The following MAGI1 variants were observed in gnomAD, a reference collection of about 807,000 sequenced individuals.
The protein encoded by MAGI1 is membrane associated guanylate kinase, WW and PDZ domain containing 1, also known as membrane-associated guanylate kinase, WW and PDZ domain-containing protein 1.
A neutral mutation model predicts 139.9 loss-of-function variants in MAGI1; 58 were observed. The ratio of observed to expected loss-of-function variants is 0.41; its 90% CI spans 0.34 to 0.52. The LOEUF is 0.52. Ranked by LOEUF, MAGI1 falls within the 20% of genes least tolerant of loss-of-function variation. The pLI, the probability that MAGI1 is intolerant of heterozygous loss-of-function variation, is 0.12. For synonymous variants in MAGI1, 812 were observed against 737.9 expected, an observed-to-expected ratio of 1.10 and a Z score of -1.63; for missense variants, 1,874 against 1,901.6, an observed-to-expected ratio of 0.99 and a Z score of 0.27.
intron 5 of MAGI1, among the ~76,000 whole-genome samples, chr3:65,463,558 A>ATG (rs56135171): frequency 0.073 from 10,274 of 140,656 alleles, 448 homozygotes; most frequent in Non-Finnish European, 0.088. Context: ...TTGGCCTGAA[A>ATG]TGTGTGTGTG....
In MAGI1 at chr3:65,706,392, T is replaced by C. The variant is rs112505148; in HGVS notation, c.314-84304A>G. 3.1e-3 allele frequency among the ~76,000 whole-genome samples: 475 copies of C among 152,328 alleles called. 2 individuals are homozygous for C. Among genetic ancestry groups the C allele is most frequent in the African/African-American group, 0.011 (457 of 41,572 alleles). ...CTATTCCAGAAAGACTAAGGCGCCA[T>C]ACCATAGCCTCTGCCTTCCCTGAAA... On this transcript the variant is annotated intron_variant, in intron 1 of 22. Coordinates refer to ENST00000402939, the MANE Select transcript of MAGI1 (RefSeq NM_001033057.2).
intron 1 of MAGI1, among the ~76,000 whole-genome samples, chr3:65,675,403 T>C (rs2087125481): frequency 6.6e-6 from 1 of 152,102 alleles, no homozygotes; most frequent in Non-Finnish European, 1.5e-5. Flanking sequence ...GTATAAATGG[T>C]GATTTAAAAA....
intron 2 of MAGI1, among the ~76,000 whole-genome samples, chr3:65,611,646 T>TATACAGTATATATATACTAGTA (rs2083129547): frequency 6.8e-6 from 1 of 146,802 alleles, no homozygotes; most frequent in Non-Finnish European, 1.5e-5. Context: ...TATACTAGTA[T>TATACAGTATATATATACTAGTA]TATATATACT....
intron 2 of MAGI1, among the ~76,000 whole-genome samples, chr3:65,507,896 A>AC (rs1553656328): frequency 2.7e-5 from 4 of 149,934 alleles, no homozygotes; most frequent in African/African-American, 9.8e-5. Flanking sequence ...TTTAGAGGTG[A>AC]TTTTTTTTTT....
At chr3:65,864,774 A>G (rs769441301) in intron 1 of MAGI1, among the ~76,000 whole-genome samples, 22 of 152,144 alleles carry the variant, frequency 1.4e-4, no homozygotes, top group Non-Finnish European at 3.1e-4. Context: ...ACTAATATGG[A>G]AGTCCTGCCT....
intron 2 of MAGI1, among the ~76,000 whole-genome samples, chr3:65,509,737 G>A (rs1168591721): frequency 4.6e-5 from 7 of 152,050 alleles, no homozygotes; most frequent in South Asian, 2.1e-4. Flanking sequence ...AGGGGCGCCC[G>A]CCATTGCCCA....
intron 2 of MAGI1, among the ~76,000 whole-genome samples, chr3:65,577,548 C>T (rs1207885594): frequency 6.6e-6 from 1 of 152,134 alleles, no homozygotes; most frequent in African/African-American, 2.4e-5. Context: ...TCGTGTCACC[C>T]CAATCCTGGC....
chr3:65,835,274 G>C (rs1232008858), intron 1 of MAGI1, among the ~76,000 whole-genome samples: 1 of 152,032 alleles, frequency 6.6e-6, no homozygotes, highest in East Asian at 1.9e-4. Context: ...TTTACTGTCA[G>C]GGACTAAGTA....
At chr3:65,670,334 C>G (rs1353403450) in intron 1 of MAGI1, among the ~76,000 whole-genome samples, 1 of 138,760 alleles carries the variant, frequency 7.2e-6, no homozygotes, top group East Asian at 2.1e-4. Context: ...ATATATAACA[C>G]ATATGCCATG....
intron 1 of MAGI1, among the ~76,000 whole-genome samples, chr3:65,693,076 T>C (rs1446007924): frequency 3.3e-5 from 5 of 152,016 alleles, no homozygotes; most frequent in African/African-American, 4.8e-5. Flanking sequence ...GGACCTACCA[T>C]AGGCATGAGA....
At chr3:65,665,993 A>G (rs1208218693) in intron 1 of MAGI1, among the ~76,000 whole-genome samples, 1 of 152,172 alleles carries the variant, frequency 6.6e-6, no homozygotes, top group Non-Finnish European at 1.5e-5. Context: ...CCAGGCCACA[A>G]CTTTTTTAAA....
intron 1 of MAGI1, among the ~76,000 whole-genome samples, chr3:66,019,729 T>C (rs2067859993): frequency 6.6e-6 from 1 of 152,180 alleles, no homozygotes. Context: ...TTAAAACTCA[T>C]ATCCAAGGAG....
chr3:65,670,993 ACT>A (rs1443611165), intron 1 of MAGI1, among the ~76,000 whole-genome samples: 1 of 152,130 alleles, frequency 6.6e-6, no homozygotes, highest in Non-Finnish European at 1.5e-5. Flanking sequence ...AATAACTGAA[ACT>A]CATGAATTGT....
chr3:65,561,243 T>C (rs1254929259), intron 2 of MAGI1, among the ~76,000 whole-genome samples: 1 of 152,190 alleles, frequency 6.6e-6, no homozygotes, highest in Non-Finnish European at 1.5e-5. Flanking sequence ...GAGTTATTCA[T>C]AGCAGAAAGC....
chr3:65,765,748 T>C (rs2037415916), intron 1 of MAGI1, among the ~76,000 whole-genome samples: 1 of 152,202 alleles, frequency 6.6e-6, no homozygotes, highest in African/African-American at 2.4e-5. Context: ...CCCCATGAAA[T>C]CTACTGATAT....
rs555259556 is a variant in MAGI1, at chr3:65,390,858, C to G, written c.2416+284G>C. 3.9e-5 allele frequency among the ~76,000 whole-genome samples: 6 copies of G among 152,274 alleles called. No individual in the cohort carries two copies. In the East Asian group the frequency reaches 1.2e-3, roughly 29 times the overall value. The stretch of plus-strand genomic sequence containing the variant: ...ACTCGGAGAATTAATGAGACAGCAG[C>G]TCTTATCTACCATTCCTTTTAACTG... On this transcript the variant is annotated intron_variant, in intron 14 of 22. Transcript: ENST00000402939.
intron 12 of MAGI1, among the ~76,000 whole-genome samples, chr3:65,423,436 G>A (rs1946783974): frequency 6.6e-6 from 1 of 152,144 alleles, no homozygotes; most frequent in African/African-American, 2.4e-5. Context: ...CTTAGCTAAC[G>A]AGATTAGATA....
At chr3:66,003,352 T>C (rs1377447663) in intron 1 of MAGI1, among the ~76,000 whole-genome samples, 1 of 152,052 alleles carries the variant, frequency 6.6e-6, no homozygotes, top group African/African-American at 2.4e-5. Context: ...GCTTGTTGAT[T>C]CAAGGTTAAA....
chr3:65,368,584 T>C (rs1941670194), intron 18 of MAGI1, among the ~76,000 whole-genome samples: 2 of 152,204 alleles, frequency 1.3e-5, no homozygotes, highest in Admixed American at 1.3e-4. Flanking sequence ...GGAATCCACA[T>C]TGAAAGCCAA....
Sources: allele counts gnomAD v4.1 joint callset (sites outside exome capture counted in the v4.1 genomes callset), GRCh38; gene constraint gnomAD v4.1.1; transcripts MANE v1.5; gene names NCBI Gene and HGNC (gene_info 2026-07-23, HGNC 2026-07-21).